ZNF551: variants seen among roughly 807,000 people sequenced by gnomAD.
ZNF551 encodes KOX 23 protein (56 AA).
A neutral mutation model predicts 7.9 loss-of-function variants in ZNF551; 5 were observed. That is an observed-to-expected ratio of 0.63 (90% CI 0.33 to 1.33). The LOEUF is 1.33. Ranked by LOEUF, ZNF551 falls within the 40% of genes most tolerant of loss-of-function variation. The pLI, the probability that ZNF551 is intolerant of heterozygous loss-of-function variation, is 0.05. For synonymous variants in ZNF551, 287 were observed against 277.3 expected, an observed-to-expected ratio of 1.03 and a Z score of -0.35; for missense variants, 788 against 825.2, an observed-to-expected ratio of 0.95 and a Z score of 0.55.
Position 57,688,002 on chromosome 19 carries a change from A to G in ZNF551, c.1727A>G (p.Gln576Arg). The G allele has an allele frequency of 6.2e-7, 1 of 1,613,994 alleles. No individual in the cohort carries two copies. The highest frequency in any genetic ancestry group is 8.5e-7 in the Non-Finnish European group (1 of 1,180,000). Residue 576 changes from glutamine (Q) to arginine (R), a missense_variant, in exon 3 of 3, where the codon CAA becomes CGA. Coordinates refer to ENST00000282296, the MANE Select transcript of ZNF551 (RefSeq NM_138347.5). ...KSFSQSASLI[Q>R]HQRVHTGERP... ...TTTAGCCAAAGTGCTAGCCTCATTCAACACCAGAGAGTTCACACTGGAGAA... is the reference window on the plus strand; with the variant it reads ...TTTAGCCAAAGTGCTAGCCTCATTCGACACCAGAGAGTTCACACTGGAGAA...
At chr19:57,684,027 T>G (rs1386200173) in intron 1 of ZNF551, among the ~76,000 whole-genome samples, 1 of 151,778 alleles carries the variant, frequency 6.6e-6, no homozygotes, top group Non-Finnish European at 1.5e-5. Flanking sequence ...TTAGTGGTAG[T>G]TGGAGAGAGG....
Position 57,687,672 on chromosome 19 carries a change from G to A in ZNF551, c.1397G>A (p.Arg466His), listed in dbSNP as rs761649039. The change falls in exon 3 of 3, where the codon CGC becomes CAC. Residue 466 changes from arginine (R) to histidine (H), a missense_variant. Arg to His is a conservative substitution (Grantham distance 29, BLOSUM62 0). Coordinates refer to ENST00000282296, the MANE Select transcript of ZNF551 (RefSeq NM_138347.5). ...FRQFSNLIRH[R>H]SIHTGDRPYE... ...CAATTCTCTAACCTCATTCGACACC[G>A]CAGCATTCACACTGGTGATAGGCCT... The A allele has an allele frequency of 3.7e-5, 60 of 1,613,744 alleles. No individual in the cohort carries two copies. The highest frequency in any genetic ancestry group is 1.6e-4 in the Middle Eastern group (1 of 6,076).
In ZNF551 at chr19:57,686,335, C is replaced by T. The variant is rs538223255; in HGVS notation, c.206-146C>T. 12 of 1,126,360 alleles carry T rather than the reference C, an allele frequency of 1.1e-5. No individual in the cohort carries two copies. The African/African-American group carries it at 1.7e-4, about 16-fold the overall frequency. 69.8% of individuals were successfully genotyped at this position (1,126,360 alleles called of 1,614,324 possible). On this transcript the variant is annotated intron_variant, in intron 2 of 2. Transcript: ENST00000282296. ...CTCTAAAATCTTAAAAAACCCAGTA[C>T]TTCAAACCAGCCTATTCCTCCCCAG...
rs958515908 is a variant in ZNF551, at chr19:57,690,453, G to T, written c.*2165G>T. On this transcript the variant is annotated 3_prime_UTR_variant, in exon 3 of 3. Coordinates refer to ENST00000282296, the MANE Select transcript of ZNF551 (RefSeq NM_138347.5). Reference sequence around the variant, plus strand: ...TATATACATATGTGTTTATATATGTGTGTGTGTATATATATATACTTACTG... The same window carrying T: ...TATATACATATGTGTTTATATATGTTTGTGTGTATATATATATACTTACTG... 1 of 131,882 alleles carries T rather than the reference G, an allele frequency of 7.6e-6. No individual in the cohort carries two copies. Among genetic ancestry groups the T allele is most frequent in the African/African-American group, 2.7e-5 (1 of 37,302 alleles). The allele number at this position is 131,882 out of a possible 1,614,324, so 8.2% of individuals were successfully genotyped here.
chr19:57,688,143 C>A lies in ZNF551; in HGVS notation c.1868C>A (p.Pro623His). ...TATGAGTGCAGTCAATGTGGGAAAC[C>A]CTTTACCCACAAATCAGACCTTATT... ...RPYECSQCGK[P>H]FTHKSDLIQH... The change falls in exon 3 of 3, where the codon CCC becomes CAC. Residue 623 changes from proline to histidine, a missense_variant. Transcript: ENST00000282296. 1 of 1,614,032 alleles carries A rather than the reference C, an allele frequency of 6.2e-7. No homozygotes were observed. Among genetic ancestry groups the A allele is most frequent in the Non-Finnish European group, 8.5e-7 (1 of 1,179,994 alleles).
chr19:57,685,125 A>G, intron 1 of ZNF551, 137 bp from the exon 2 acceptor site: 3 of 1,074,446 alleles, frequency 2.8e-6, no homozygotes, highest in South Asian at 1.5e-5. Flanking sequence ...CTGTGGGGAG[A>G]GGGTAGGCAT....
intron 1 of ZNF551, among the ~76,000 whole-genome samples, chr19:57,683,886 G>A (rs1984467914): frequency 6.6e-6 from 1 of 152,156 alleles, no homozygotes; most frequent in Admixed American, 6.5e-5. Flanking sequence ...AGACTGACCA[G>A]GGTTTTATAT....
In ZNF551 at chr19:57,687,785, G is replaced by A. The variant is rs1372547599; in HGVS notation, c.1510G>A (p.Glu504Lys). ...QRVHTGERPYECSECGKSFTR... is the reference protein window; with the variant it reads ...QRVHTGERPYKCSECGKSFTR... ...AGTTCACACTGGAGAAAGACCTTAT[G>A]AATGCAGTGAATGTGGAAAATCCTT... Residue 504 changes from glutamate to lysine, a missense_variant, in exon 3 of 3, where the codon GAA becomes AAA. Glu to Lys is a moderately conservative substitution (Grantham distance 56). Coordinates refer to ENST00000282296, the MANE Select transcript of ZNF551 (RefSeq NM_138347.5). The A allele has an allele frequency of 6.2e-7, 1 of 1,614,066 alleles. No individual in the cohort carries two copies. The highest frequency in any genetic ancestry group is 1.3e-5 in the African/African-American group (1 of 74,926).
rs1047472216 is a variant in ZNF551, at chr19:57,687,751, A to G, written c.1476A>G (p.Gln492=). 3 of 1,614,066 alleles carry G rather than the reference A, an allele frequency of 1.9e-6. No homozygotes were observed. The highest frequency in any genetic ancestry group is 1.1e-5 in the South Asian group (1 of 91,088). The part of the protein sequence containing the change: ...KSFSRKFILI[Q]HQRVHTGERP... ...TTAGCCGCAAATTTATCCTGATTCA[A>G]CACCAAAGAGTTCACACTGGAGAAA... Residue 492 remains glutamine (Q), a synonymous_variant, in exon 3 of 3, where the codon CAA becomes CAG. Coordinates refer to ENST00000282296, the MANE Select transcript of ZNF551 (RefSeq NM_138347.5).
intron 1 of ZNF551, among the ~76,000 whole-genome samples, chr19:57,683,735 G>A (rs1015710040): frequency 3.9e-5 from 6 of 152,196 alleles, no homozygotes; most frequent in Non-Finnish European, 8.8e-5. Flanking sequence ...TTGGACAGAA[G>A]TGTTCACGGT....
At position 57,687,534 on chromosome 19, in the gene ZNF551, A is replaced by G. The variant is rs372270831; in HGVS notation, c.1259A>G (p.Gln420Arg). 9.4e-5 allele frequency: 151 copies of G among 1,614,148 alleles called. No individual in the cohort carries two copies. The highest frequency in any genetic ancestry group is 1.7e-5 in the Non-Finnish European group (20 of 1,180,046). ...GTTCACACTGGAGAAATGCCTTATC[A>G]GTGCAGTGATTGTGGGAAATCTTTT... ...RRVHTGEMPY[Q>R]CSDCGKSFSC... Residue 420 changes from glutamine (Q) to arginine (R), a missense_variant, in exon 3 of 3, where the codon CAG becomes CGG. Transcript: ENST00000282296.
rs183139800 is a variant in ZNF551, at chr19:57,688,472, T to A, written c.*184T>A. On this transcript the variant is annotated 3_prime_UTR_variant, in exon 3 of 3. Transcript: ENST00000282296. ...AATCTGCCGAGGCCTATAGCCTGAT[T>A]TATGTCACTGCCAATTTCTGAGGCT... 1.2e-5 allele frequency: 10 copies of A among 801,126 alleles called. No homozygotes were observed. In the African/African-American group the frequency reaches 1.7e-4, roughly 14 times the overall value. The allele number at this position is 801,126 out of a possible 1,614,324, so 49.6% of individuals were successfully genotyped here. A position where few individuals can be genotyped will look rare whatever the true frequency, so the allele number is the denominator to read the frequency against.
At position 57,688,989 on chromosome 19, in the gene ZNF551, C is replaced by T. The variant is rs1190129819; in HGVS notation, c.*701C>T. On this transcript the variant is annotated 3_prime_UTR_variant, in exon 3 of 3. Transcript: ENST00000282296. ...TCAAACTTTCTGTACTCAGAAGGGACAATGTGATGGCAGAAGACAGCTCTT... is the reference window on the plus strand; with the variant it reads ...TCAAACTTTCTGTACTCAGAAGGGATAATGTGATGGCAGAAGACAGCTCTT... 1 of 150,658 alleles carries T rather than the reference C, an allele frequency of 6.6e-6. No individual in the cohort carries two copies. The highest frequency in any genetic ancestry group is 1.5e-5 in the Non-Finnish European group (1 of 67,680). 9.3% of individuals were successfully genotyped at this position (150,658 alleles called of 1,614,324 possible).
intron 2 of ZNF551, 38 bp from the exon 3 acceptor site, chr19:57,686,443 A>G: frequency 6.3e-7 from 1 of 1,588,110 alleles, no homozygotes; most frequent in Non-Finnish European, 8.6e-7. Context: ...CTTCCATGAA[A>G]GTCAGCATGC....
chr19:57,685,430 C>G, intron 2 of ZNF551, 45 bp downstream of exon 2: 1 of 1,613,298 alleles, frequency 6.2e-7, no homozygotes, highest in South Asian at 1.1e-5. Context: ...TCTTTTTGAC[C>G]CCAGAGTTAC....
rs143807767 is a variant in ZNF551 at position 57,686,985 on chromosome 19, C to G, written c.710C>G (p.Thr237Arg). Residue 237 changes from threonine (T) to arginine (R), a missense_variant, in exon 3 of 3, where the codon ACA (threonine) becomes AGA (arginine). By Grantham distance (71) the Thr-to-Arg change is moderately conservative (BLOSUM62 -1). Coordinates refer to ENST00000282296, the MANE Select transcript of ZNF551 (RefSeq NM_138347.5). ...EYRKASSHKH[T>R]LVQHQSVCSE... ...AGAAAAGCTTCAAGCCACAAACACA[C>G]ACTTGTTCAGCATCAGAGTGTCTGT... 213 of 1,614,204 alleles carry G rather than the reference C, an allele frequency of 1.3e-4. 2 individuals are homozygous for G. The South Asian group carries it at 1.4e-3, about 11-fold the overall frequency.
chr19:57,688,008 A>G lies in ZNF551; in HGVS notation c.1733A>G (p.Gln578Arg), dbSNP rs1472161962. 1 of 1,614,058 alleles carries G rather than the reference A, an allele frequency of 6.2e-7. No homozygotes were observed. ...FSQSASLIQH[Q>R]RVHTGERPYE... is the part of the protein sequence containing the mutation. ...CAAAGTGCTAGCCTCATTCAACACC[A>G]GAGAGTTCACACTGGAGAAAGGCCT... is the stretch of plus-strand genomic sequence containing the variant. The change falls in exon 3 of 3, where the codon CAG becomes CGG. Residue 578 changes from glutamine to arginine, a missense_variant. Physicochemically the swap from Gln to Arg is conservative, Grantham distance 43. Coordinates refer to ENST00000282296, the MANE Select transcript of ZNF551 (RefSeq NM_138347.5).
In ZNF551 at chr19:57,687,406, C is replaced by A. The variant is rs769122145; in HGVS notation, c.1131C>A (p.Ser377Arg). The change falls in exon 3 of 3, where the codon AGC becomes AGA. Residue 377 changes from serine (S) to arginine (R), a missense_variant. Ser to Arg is a moderately radical substitution (Grantham distance 110, BLOSUM62 -1). Coordinates refer to ENST00000282296, the MANE Select transcript of ZNF551 (RefSeq NM_138347.5). ...ECGKSFRQSS[S>R]LFRHQRVHSG... is the part of the protein sequence containing the mutation. ...GGAAATCCTTTAGACAAAGCTCTAG[C>A]CTTTTTCGACACCAGAGAGTTCACT... 4.3e-6 allele frequency: 7 copies of A among 1,613,966 alleles called. No homozygotes were observed. The highest frequency in any genetic ancestry group is 5.9e-6 in the Non-Finnish European group (7 of 1,179,996).
Position 57,686,545 on chromosome 19 carries a change from G to T in ZNF551, c.270G>T (p.Arg90Ser). 6.2e-7 allele frequency: 1 copy of T among 1,614,160 alleles called. No homozygotes were observed. Among genetic ancestry groups the T allele is most frequent in the Non-Finnish European group, 8.5e-7 (1 of 1,180,038 alleles). The change falls in exon 3 of 3, where the codon AGG becomes AGT. Residue 90 changes from arginine (R) to serine (S), a missense_variant. By Grantham distance (110) the Arg-to-Ser change is moderately radical. Coordinates refer to ENST00000282296, the MANE Select transcript of ZNF551 (RefSeq NM_138347.5). Reference protein sequence around the residue: ...ASEQSVSIQVRTSKGNTPTQK... With the variant: ...ASEQSVSIQVSTSKGNTPTQK... ...AGCAGAGTGTATCTATACAGGTCAG[G>T]ACTTCTAAGGGCAATACACCCACCC...
Sources: gnomAD v4.1 joint callset for allele counts (sites outside exome capture counted in the v4.1 genomes callset) on GRCh38, gnomAD v4.1.1 for gene constraint, MANE v1.5 for transcripts, NCBI Gene and HGNC (gene_info 2026-07-23, HGNC 2026-07-21) for gene names.